RBFOX1: variants seen among roughly 807,000 people sequenced by gnomAD.
The protein encoded by RBFOX1 is RNA binding protein fox-1 homolog 1.
Under a neutral mutation model 57.7 loss-of-function variants are expected in RBFOX1, and 8 were observed. The ratio of observed to expected loss-of-function variants is 0.14; its 90% confidence interval spans 0.08 to 0.25. RBFOX1 has a LOEUF of 0.25. Among genes scored for constraint, RBFOX1 ranks in the 10% least tolerant of loss-of-function variants. The pLI is 1.00. For synonymous variants in RBFOX1, 326 were observed against 222.4 expected (o/e 1.47, Z -4.15); for missense variants, 611 against 548.5 (o/e 1.11, Z -1.14).
At chr16:6,651,846 C>G (rs1290990079) in intron 2 of RBFOX1, among the ~76,000 whole-genome samples, 2 of 152,092 alleles carry the variant, frequency 1.3e-5, no homozygotes, top group East Asian at 1.9e-4. Context: ...ATGGATAAAC[C>G]AAATGTGGTC....
rs143134903 is a variant in RBFOX1 at position 5,339,852 on chromosome 16, G to A, written c.219+99747G>A. ...CCAGGTGGGAGAGCTTTCCCAGCCCGGGGACTGAGCAGGAGCCATAGAATC... is the reference window on the plus strand; with the variant it reads ...CCAGGTGGGAGAGCTTTCCCAGCCCAGGGACTGAGCAGGAGCCATAGAATC... On this transcript the variant is annotated intron_variant, in intron 1 of 2. Transcript: ENST00000585867. Among the ~76,000 whole-genome samples the A allele has an allele frequency of 4.8e-3, 724 of 152,144 alleles. 10 individuals carry two copies. The highest frequency in any genetic ancestry group is 0.017 in the African/African-American group (691 of 41,520).
intron 4 of RBFOX1, among the ~76,000 whole-genome samples, chr16:7,502,847 A>G (rs549219917): frequency 3.3e-5 from 5 of 151,864 alleles, no homozygotes; most frequent in Admixed American, 6.6e-5. Context: ...ACATGGTGAA[A>G]CTCCCTGTCT....
chr16:5,664,948 C>T lies in RBFOX1; in HGVS notation c.318+65987C>T, dbSNP rs371948255. ...TGATTTCCCATTTGTTATCTCTGCT[C>T]TTTTTTTTTTTATCGAGATAGGGTC... On this transcript the variant is annotated intron_variant, in intron 3 of 19. Coordinates refer to the RBFOX1 transcript ENST00000641259. Among the ~76,000 whole-genome samples the T allele has an allele frequency of 7.2e-3, 1,052 of 146,930 alleles. 11 individuals are homozygous for T. Among genetic ancestry groups the T allele is most frequent in the African/African-American group, 0.025 (1,008 of 39,908 alleles).
rs144630555 is a variant in RBFOX1, at chr16:6,104,982, T to G, written c.-127+84990T>G. On this transcript the variant is annotated intron_variant, in intron 1 of 15. Transcript: ENST00000550418. Reference sequence around the variant, plus strand: ...GAACTACTCACATGCCTTGGGCCTTTGGGGCTAATTCTCTTTAACATAAGA... The same window carrying G: ...GAACTACTCACATGCCTTGGGCCTTGGGGGCTAATTCTCTTTAACATAAGA... Among the ~76,000 whole-genome samples the G allele has an allele frequency of 7.7e-4, 118 of 152,326 alleles. 1 individual carries two copies. In the East Asian group the frequency reaches 0.022, roughly 29 times the overall value.
At chr16:6,425,545 T>G (rs1597069912) in intron 2 of RBFOX1, among the ~76,000 whole-genome samples, 2 of 152,320 alleles carry the variant, frequency 1.3e-5, no homozygotes, top group South Asian at 4.1e-4. Context: ...AGAAAGACTG[T>G]GACTTCATGT....
chr16:5,991,642 A>T (rs1346501081), intron 4 of RBFOX1, among the ~76,000 whole-genome samples: 3 of 131,070 alleles, frequency 2.3e-5, no homozygotes, highest in Non-Finnish European at 4.7e-5. Flanking sequence ...AAATTATTAG[A>T]TAGTTTTTTT....
intron 1 of RBFOX1, among the ~76,000 whole-genome samples, chr16:6,025,987 T>G (rs184876077): frequency 1.1e-4 from 16 of 152,306 alleles, no homozygotes; most frequent in Admixed American, 2.0e-4. Context: ...TGGCTGTGTG[T>G]TGTGCTATGT....
chr16:6,794,280 A>T (rs1316817584), intron 3 of RBFOX1, among the ~76,000 whole-genome samples: 20 of 125,192 alleles, frequency 1.6e-4, no homozygotes, highest in Admixed American at 2.5e-4. Flanking sequence ...CTTGTTCGTG[A>T]TTTTTTTTTT....
intron 3 of RBFOX1, among the ~76,000 whole-genome samples, chr16:6,917,641 A>C (rs559576100): frequency 6.6e-6 from 1 of 152,146 alleles, no homozygotes; most frequent in South Asian, 2.1e-4. Context: ...GGGAGTTAAG[A>C]TGTTCCAGAT....
At chr16:6,867,862 C>T (rs1365601370) in intron 3 of RBFOX1, among the ~76,000 whole-genome samples, 1 of 152,180 alleles carries the variant, frequency 6.6e-6, no homozygotes, top group East Asian at 1.9e-4. Flanking sequence ...ACAGGTGTCC[C>T]AGTTTCAACG....
chr16:5,808,701 C>T (rs185287277), intron 3 of RBFOX1, among the ~76,000 whole-genome samples: 125 of 152,216 alleles, frequency 8.2e-4, no homozygotes, highest in Middle Eastern at 3.4e-3. Context: ...GGAGTTCACT[C>T]ATGATTTGGC....
chr16:6,328,600 G>T (rs2082647360), intron 2 of RBFOX1, among the ~76,000 whole-genome samples: 1 of 152,114 alleles, frequency 6.6e-6, no homozygotes, highest in Non-Finnish European at 1.5e-5. Flanking sequence ...ACCAAATGAG[G>T]ATTCAAATCT....
chr16:6,262,757 T>C (rs1031064540), intron 1 of RBFOX1, among the ~76,000 whole-genome samples: 1 of 152,200 alleles, frequency 6.6e-6, no homozygotes, highest in Admixed American at 6.5e-5. Flanking sequence ...GATTGTGTCT[T>C]GCTCATCTTT....
rs926409314 is a variant in RBFOX1, at chr16:6,058,608, A to G, written c.-127+38616A>G. On this transcript the variant is annotated intron_variant, in intron 1 of 15. Transcript: ENST00000550418. ...CATCTATCTACCCACCCATCCACCC[A>G]TCCATCCACCCATCCATCTACCCAC... Among the ~76,000 whole-genome samples, 3 of 151,448 alleles carry G rather than the reference A, an allele frequency of 2.0e-5. No individual in the cohort carries two copies. In the East Asian group the frequency reaches 5.8e-4, roughly 30 times the overall value.
intron 14 of RBFOX1, among the ~76,000 whole-genome samples, chr16:7,688,102 A>C (rs1424127410): frequency 5.3e-5 from 8 of 152,058 alleles, no homozygotes; most frequent in Non-Finnish European, 1.0e-4. Flanking sequence ...CAATACGTAC[A>C]GGTAGAATTG....
chr16:7,294,850 G>C (rs1018185776), intron 4 of RBFOX1, among the ~76,000 whole-genome samples: 56 of 152,216 alleles, frequency 3.7e-4, no homozygotes, highest in African/African-American at 1.3e-3. Context: ...TGTATTGCAT[G>C]GTTAAAAAGG....
At chr16:7,163,829 G>T (rs2078891174) in intron 4 of RBFOX1, among the ~76,000 whole-genome samples, 1 of 151,900 alleles carries the variant, frequency 6.6e-6, no homozygotes, top group South Asian at 2.1e-4. Flanking sequence ...GCTAATTTTT[G>T]TATTGTTTTT....
chr16:5,954,567 A>T lies in RBFOX1; in HGVS notation c.351+87232A>T, dbSNP rs193226355. On this transcript the variant is annotated intron_variant, in intron 4 of 19. Transcript: ENST00000641259. ...TTAATTAAAGTGGTTTATGACCTTC[A>T]AAGGGGGCAGGCCAGAAAGGGCATT... is the stretch of plus-strand genomic sequence containing the variant. Among the ~76,000 whole-genome samples the T allele has an allele frequency of 8.7e-4, 133 of 152,260 alleles. No homozygotes were observed. In the East Asian group the frequency reaches 0.024, roughly 27 times the overall value.
At chr16:7,118,297 G>A (rs2066362111) in intron 4 of RBFOX1, among the ~76,000 whole-genome samples, 1 of 152,040 alleles carries the variant, frequency 6.6e-6, no homozygotes, top group Admixed American at 6.6e-5. Context: ...TGGGTAAGGT[G>A]GTAGCTCATT....
Sources: gnomAD v4.1 joint callset for allele counts (sites outside exome capture counted in the v4.1 genomes callset) on GRCh38, gnomAD v4.1.1 for gene constraint, MANE v1.5 for transcripts, NCBI Gene and HGNC (gene_info 2026-07-23, HGNC 2026-07-21) for gene names.